Variants in IGDCC4 observed in about 807,000 individuals in gnomAD.
IGDCC4 encodes the protein immunoglobulin superfamily DCC subclass member 4.
In IGDCC4, 72 loss-of-function variants were observed where a neutral mutation model predicts 116.6. The ratio of observed to expected loss-of-function variants is 0.62; its 90% CI spans 0.51 to 0.75. IGDCC4 has a LOEUF of 0.75. Among genes scored for constraint, IGDCC4 ranks in the 30% least tolerant of loss-of-function variants. The pLI, the probability that IGDCC4 is intolerant of heterozygous loss-of-function variation, is 0.00. For missense variants in IGDCC4, 1,501 were observed against 1,662.4 expected, an observed-to-expected ratio of 0.90 and a Z score of 1.69; for synonymous variants, 709 against 719.9, an observed-to-expected ratio of 0.98 and a Z score of 0.24.
chr15:65,422,292 G>A (rs948386126), intron 1 of IGDCC4, among the ~76,000 whole-genome samples: 2 of 151,986 alleles, frequency 1.3e-5, no homozygotes, highest in Non-Finnish European at 2.9e-5. Flanking sequence ...AAATGCCAAG[G>A]CCAAATATTA....
rs1165909093 is a variant in IGDCC4 at position 65,383,389 on chromosome 15, G to T, written c.*620C>A. 1 of 152,426 alleles carries T rather than the reference G, an allele frequency of 6.6e-6. No homozygotes were observed. The highest frequency in any genetic ancestry group is 1.5e-5 in the Non-Finnish European group (1 of 68,182). The allele number at this position is 152,426 out of a possible 1,614,324, so 9.4% of individuals were successfully genotyped here. A position where few individuals can be genotyped will look rare whatever the true frequency, so the allele number is the denominator to read the frequency against. On this transcript the variant is annotated 3_prime_UTR_variant, in exon 20 of 20. Coordinates refer to ENST00000352385, the MANE Select transcript of IGDCC4 (RefSeq NM_020962.3). ...GGAAGGAGGGGAAGAGTGAGAGAAA[G>T]CGGATTTTCAAAACCAGGCACTTCC...
intron 9 of IGDCC4, 134 bp downstream of exon 9, chr15:65,394,277 G>T: frequency 1.4e-6 from 2 of 1,412,198 alleles, no homozygotes; most frequent in Non-Finnish European, 1.9e-6. Context: ...TGTTTTTCAG[G>T]TTCACCCTTC....
At chr15:65,404,152 G>A (rs1009526798) in intron 3 of IGDCC4, among the ~76,000 whole-genome samples, 3 of 152,110 alleles carry the variant, frequency 2.0e-5, no homozygotes, top group Non-Finnish European at 4.4e-5. Flanking sequence ...TGGGGAGGAA[G>A]AATGTTCTAA....
intron 12 of IGDCC4, among the ~76,000 whole-genome samples, chr15:65,390,590 A>G (rs1319909618): frequency 1.3e-5 from 2 of 152,128 alleles, no homozygotes; most frequent in Non-Finnish European, 2.9e-5. Flanking sequence ...TAACCATGGA[A>G]CCAGACTCTG....
intron 3 of IGDCC4, among the ~76,000 whole-genome samples, chr15:65,407,601 C>G (rs887479660): frequency 2.6e-5 from 4 of 151,988 alleles, no homozygotes; most frequent in African/African-American, 4.8e-5. Context: ...CCTCAGCCCC[C>G]CAAAGTGCTG....
chr15:65,387,133 C>G (rs1343569437), intron 16 of IGDCC4, among the ~76,000 whole-genome samples: 1 of 149,152 alleles, frequency 6.7e-6, no homozygotes, highest in East Asian at 2.0e-4. Context: ...CTCAAGTGAT[C>G]CTCCCACCTC....
Position 65,411,064 on chromosome 15 carries a change from G to A in IGDCC4, c.377C>T (p.Pro126Leu). The change falls in exon 2 of 20, where the codon CCC (proline) becomes CTC (leucine). Residue 126 changes from proline to leucine, a missense_variant. By Grantham distance (98) the Pro-to-Leu change is moderately conservative (BLOSUM62 -3). Transcript: ENST00000352385. ...EGNYSCLAHG[P>L]LGVLASQTAV... ...AGTCTGGCTGGCCAGCACTCCGAGG[G>A]GGCCGTGGGCTAGGCACGAATAGTT... 6.2e-7 allele frequency: 1 copy of A among 1,613,812 alleles called. No individual in the cohort carries two copies. The highest frequency in any genetic ancestry group is 8.5e-7 in the Non-Finnish European group (1 of 1,179,804).
chr15:65,394,575 C>A, intron 8 of IGDCC4, 27 bp from the exon 9 acceptor site: 1 of 1,563,920 alleles, frequency 6.4e-7, no homozygotes, highest in Non-Finnish European at 8.7e-7. Context: ...TCAGCATGAG[C>A]TCTGCTCCAC....
At chr15:65,402,219 C>T (rs1156406200) in intron 4 of IGDCC4, 132 bp downstream of exon 4, 2 of 1,091,988 alleles carry the variant, frequency 1.8e-6, no homozygotes, top group Non-Finnish European at 1.3e-6. Context: ...GGCTTCATCG[C>T]CTCACCAGTC....
At chr15:65,422,532 A>ACACACACT (rs2063202745) in intron 1 of IGDCC4, among the ~76,000 whole-genome samples, 1 of 150,228 alleles carries the variant, frequency 6.7e-6, no homozygotes, top group Admixed American at 6.6e-5. Context: ...ACACACACAC[A>ACACACACT]CACACACACA....
In IGDCC4 at chr15:65,411,065, G is replaced by A; in HGVS notation, c.376C>T (p.Pro126Ser). Residue 126 changes from proline to serine, a missense_variant, in exon 2 of 20, where the codon CCC becomes TCC. Physicochemically the swap from Pro to Ser is moderately conservative, Grantham distance 74 (BLOSUM62 -1). This residue lies in a region of IGDCC4 where 898 missense variants were observed against 978.9 expected (regional missense o/e 0.92). Coordinates refer to ENST00000352385, the MANE Select transcript of IGDCC4 (RefSeq NM_020962.3). ...GTCTGGCTGGCCAGCACTCCGAGGG[G>A]GCCGTGGGCTAGGCACGAATAGTTG... ...EGNYSCLAHG[P>S]LGVLASQTAV... 2 of 1,613,900 alleles carry A rather than the reference G, an allele frequency of 1.2e-6. No homozygotes were observed. Among genetic ancestry groups the A allele is most frequent in the Non-Finnish European group, 1.7e-6 (2 of 1,179,870 alleles).
In IGDCC4 at chr15:65,410,295, G is replaced by C; in HGVS notation, c.446C>G (p.Pro149Arg). Reference sequence around the variant, plus strand: ...GTTCTCCTCCACCGTCTGAGACTCCGGGTGCAGAGAGAAGTCTGCGAGTGC... The same window carrying C: ...GTTCTCCTCCACCGTCTGAGACTCCCGGTGCAGAGAGAAGTCTGCGAGTGC... ...LATLADFSLH[P>R]ESQTVEENGT... is the part of the protein sequence containing the mutation. The change falls in exon 3 of 20, where the codon CCG (proline) becomes CGG (arginine). Residue 149 changes from proline (P) to arginine (R), a missense_variant. Physicochemically the swap from Pro to Arg is moderately radical, Grantham distance 103 (BLOSUM62 -2). Transcript: ENST00000352385. 6.2e-7 allele frequency: 1 copy of C among 1,614,044 alleles called. No individual in the cohort carries two copies. Among genetic ancestry groups the C allele is most frequent in the Non-Finnish European group, 8.5e-7 (1 of 1,180,028 alleles).
At chr15:65,400,718 TC>T in intron 5 of IGDCC4, 87 bp downstream of exon 5, 1 of 1,482,570 alleles carries the variant, frequency 6.7e-7, no homozygotes, top group Non-Finnish European at 9.1e-7. Flanking sequence ...CACTGGGTCG[TC>T]ACCCATACAT....
Position 65,386,050 on chromosome 15 carries a change from G to A in IGDCC4, c.2961C>T (p.Leu987=). 6.6e-7 allele frequency: 1 copy of A among 1,514,998 alleles called. No individual in the cohort carries two copies. Among genetic ancestry groups the A allele is most frequent in the Non-Finnish European group, 8.8e-7 (1 of 1,134,180 alleles). 93.8% of individuals were successfully genotyped at this position (1,514,998 alleles called of 1,614,324 possible). A position where few individuals can be genotyped will look rare whatever the true frequency, so the allele number is the denominator to read the frequency against. Residue 987 remains leucine (L), a synonymous_variant, in exon 18 of 20, where the codon CTC becomes CTT. Transcript: ENST00000352385. ...GLRRSPHRES[L]PGLSSTATPG... ...GGGTGGCGGTGGAGGACAGGCCTGGGAGGGATTCCCTGGAAGGGAAGACGG... is the reference window on the plus strand; with the variant it reads ...GGGTGGCGGTGGAGGACAGGCCTGGAAGGGATTCCCTGGAAGGGAAGACGG...
chr15:65,404,196 A>C, intron 3 of IGDCC4, among the ~76,000 whole-genome samples: 1 of 152,116 alleles, frequency 6.6e-6, no homozygotes, highest in African/African-American at 2.4e-5. Context: ...TGGCCCAAAG[A>C]CTTAAAGGAC....
chr15:65,422,087 GC>G (rs2140249033), intron 1 of IGDCC4, among the ~76,000 whole-genome samples: 1 of 151,980 alleles, frequency 6.6e-6, no homozygotes, highest in African/African-American at 2.4e-5. Context: ...GTCCACGAAA[GC>G]AAATGGTTTC....
chr15:65,398,674 G>C (rs189961280), intron 5 of IGDCC4, among the ~76,000 whole-genome samples: 1 of 151,810 alleles, frequency 6.6e-6, no homozygotes, highest in Non-Finnish European at 1.5e-5. Context: ...GTTGGATCAC[G>C]AGGTCAGGAG....
intron 10 of IGDCC4, 110 bp from the exon 11 acceptor site, chr15:65,392,480 T>G: frequency 1.2e-6 from 1 of 804,978 alleles, no homozygotes; most frequent in Non-Finnish European, 1.9e-6. Context: ...GACAGGAAGA[T>G]GGCATTCAGT....
rs958636007 is a variant in IGDCC4, at chr15:65,422,876, G to GGCCGCC, written c.-20_-15dup. 167 of 1,103,998 alleles carry GGCCGCC rather than the reference G, an allele frequency of 1.5e-4. No homozygotes were observed. Among genetic ancestry groups the GGCCGCC allele is most frequent in the South Asian group, 2.1e-4 (5 of 23,266 alleles). 68.4% of individuals were successfully genotyped at this position (1,103,998 alleles called of 1,614,324 possible). A position where few individuals can be genotyped will look rare whatever the true frequency, so the allele number is the denominator to read the frequency against. On this transcript the variant is annotated 5_prime_UTR_variant, in exon 1 of 20. Transcript: ENST00000352385. Reference sequence around the variant, plus strand: ...CCCCCGCGCCATGGGGCTGGGCTCGGGCCGCCGCCGCCGCCGCCGCCTCCC... The same window carrying GGCCGCC: ...CCCCCGCGCCATGGGGCTGGGCTCGGGCCGCCGCCGCCGCCGCCGCCGCCGCCTCCC...
Sources: gnomAD v4.1 joint callset for allele counts (sites outside exome capture counted in the v4.1 genomes callset) on GRCh38, gnomAD v4.1.1 for gene constraint, gnomAD v4.1.1 regional missense constraint, MANE v1.5 for transcripts, NCBI Gene and HGNC (gene_info 2026-07-23, HGNC 2026-07-21) for gene names.